The following NELL1 variants were observed in gnomAD, a reference collection of about 807,000 sequenced individuals.
The protein encoded by NELL1 is protein kinase C-binding protein NELL1.
NELL1 carries 76 observed loss-of-function variants against 107.4 expected under a neutral mutation model. The ratio of observed to expected loss-of-function variants is 0.71; its 90% confidence interval spans 0.59 to 0.86. The LOEUF (loss-of-function observed/expected upper bound fraction) is 0.86, where lower values mean the gene tolerates loss of function less well. NELL1 is among the 40% of genes least tolerant of loss of function. The pLI is 0.00. For missense variants in NELL1, 1,024 were observed against 1,005.5 expected, an observed-to-expected ratio of 1.02 and a Z score of -0.25; for synonymous variants, 353 against 341.2, an observed-to-expected ratio of 1.03 and a Z score of -0.38.
intron 13 of NELL1, among the ~76,000 whole-genome samples, chr11:21,114,487 G>T (rs1284789894): frequency 6.6e-6 from 1 of 151,798 alleles, no homozygotes; most frequent in Non-Finnish European, 1.5e-5. Context: ...CTTTCTCTTT[G>T]TTCCAATCAC....
At chr11:21,036,670 A>C (rs1482357260) in intron 12 of NELL1, among the ~76,000 whole-genome samples, 1 of 152,054 alleles carries the variant, frequency 6.6e-6, no homozygotes, top group East Asian at 1.9e-4. Flanking sequence ...TCTCTCTGCC[A>C]GTTAATGAAT....
At chr11:20,872,246 T>C (rs981597229) in intron 4 of NELL1, among the ~76,000 whole-genome samples, 3 of 147,974 alleles carry the variant, frequency 2.0e-5, no homozygotes, top group Non-Finnish European at 4.4e-5. Flanking sequence ...CAATCTGGGC[T>C]CACTGTAGCC....
At chr11:21,185,293 C>CTTTTTTTTTTTTTTTTTTTT (rs11446941) in intron 13 of NELL1, among the ~76,000 whole-genome samples, 1 of 118,498 alleles carries the variant, frequency 8.4e-6, no homozygotes, top group South Asian at 2.8e-4. Flanking sequence ...ATTCCAGTAT[C>CTTTTTTTTTTTTTTTTTTTT]TTTTTTTTTT....
At chr11:20,702,384 G>T (rs558717999) in intron 2 of NELL1, among the ~76,000 whole-genome samples, 5 of 152,016 alleles carry the variant, frequency 3.3e-5, no homozygotes, top group Admixed American at 6.6e-5. Context: ...TGCTGAAGTT[G>T]CTTATCAGCT....
intron 2 of NELL1, among the ~76,000 whole-genome samples, chr11:20,696,589 T>C (rs745371707): frequency 3.0e-4 from 46 of 152,298 alleles, no homozygotes; most frequent in Middle Eastern, 3.4e-3. Context: ...TGGTAATGTT[T>C]TTCATTTTTT....
intron 4 of NELL1, among the ~76,000 whole-genome samples, chr11:20,862,188 A>T (rs983099698): frequency 6.6e-6 from 1 of 152,210 alleles, no homozygotes; most frequent in Non-Finnish European, 1.5e-5. Flanking sequence ...GATGATTCGG[A>T]TGCTAAATCT....
intron 8 of NELL1, among the ~76,000 whole-genome samples, 172 bp downstream of exon 8, chr11:20,927,614 A>G (rs1000784074): frequency 6.6e-6 from 1 of 152,192 alleles, no homozygotes; most frequent in Non-Finnish European, 1.5e-5. Flanking sequence ...GAAGAGTGTC[A>G]TGTCTTATAT....
chr11:20,973,423 C>G (rs1851541699), intron 12 of NELL1, among the ~76,000 whole-genome samples: 1 of 152,126 alleles, frequency 6.6e-6, no homozygotes, highest in Admixed American at 6.6e-5. Flanking sequence ...GTTACTTTTT[C>G]TTAACATATT....
At chr11:21,467,524 T>A (rs1854062724) in intron 15 of NELL1, among the ~76,000 whole-genome samples, 1 of 152,124 alleles carries the variant, frequency 6.6e-6, no homozygotes, top group Non-Finnish European at 1.5e-5. Context: ...AATGTTGTCC[T>A]ATTGACTTAA....
intron 15 of NELL1, among the ~76,000 whole-genome samples, chr11:21,470,226 C>G (rs1854140985): frequency 6.6e-6 from 1 of 152,026 alleles, no homozygotes; most frequent in Admixed American, 6.6e-5. Context: ...CTCAAACTTT[C>G]TTCAGAAAAT....
At chr11:21,070,569 A>G (rs1292067643) in intron 12 of NELL1, among the ~76,000 whole-genome samples, 1 of 152,146 alleles carries the variant, frequency 6.6e-6, no homozygotes, top group African/African-American at 2.4e-5. Flanking sequence ...AATTTGCAAA[A>G]AAATACATTA....
chr11:21,069,104 ATGTC>A (rs1043006741), intron 12 of NELL1, among the ~76,000 whole-genome samples: 1 of 152,166 alleles, frequency 6.6e-6, no homozygotes, highest in Non-Finnish European at 1.5e-5. Flanking sequence ...AAAGTAGTGA[ATGTC>A]TGTGTCCATT....
chr11:21,309,278 A>ATATG (rs1491093556), intron 14 of NELL1, among the ~76,000 whole-genome samples: 2 of 16,244 alleles, frequency 1.2e-4, no homozygotes, highest in South Asian at 3.1e-3. Context: ...ATATATATAT[A>ATATG]TGTATATATA....
chr11:21,180,953 C>T (rs2133823701), intron 13 of NELL1, among the ~76,000 whole-genome samples: 1 of 151,716 alleles, frequency 6.6e-6, no homozygotes, highest in Non-Finnish European at 1.5e-5. Context: ...CCCATCTCAC[C>T]ATTGATATAC....
chr11:21,506,994 C>T (rs776224394), intron 15 of NELL1, among the ~76,000 whole-genome samples: 1 of 152,160 alleles, frequency 6.6e-6, no homozygotes, highest in Non-Finnish European at 1.5e-5. Context: ...TCTGTGGGCT[C>T]ATACTTGTAT....
At chr11:21,176,551 T>C (rs929923008) in intron 13 of NELL1, among the ~76,000 whole-genome samples, 3 of 151,888 alleles carry the variant, frequency 2.0e-5, no homozygotes, top group Admixed American at 6.6e-5. Context: ...TAGTGATTGC[T>C]ATTGAATAGT....
At chr11:20,758,932 G>A (rs927117382) in intron 2 of NELL1, among the ~76,000 whole-genome samples, 1 of 152,156 alleles carries the variant, frequency 6.6e-6, no homozygotes, top group Non-Finnish European at 1.5e-5. Flanking sequence ...AAAAATTGGT[G>A]GAAGTACCTA....
chr11:21,196,897 T>C (rs1177057853), intron 13 of NELL1, among the ~76,000 whole-genome samples: 1 of 150,884 alleles, frequency 6.6e-6, no homozygotes, highest in African/African-American at 2.4e-5. Context: ...TTTTTTTTTT[T>C]TTCTCACTCT....
rs566695175 is a variant in NELL1, at chr11:20,692,887, G to T, written c.184+14827G>T. 1.4e-4 allele frequency among the ~76,000 whole-genome samples: 21 copies of T among 152,256 alleles called. No homozygotes were observed. The East Asian group carries it at 3.5e-3, about 25-fold the overall frequency. On this transcript the variant is annotated intron_variant, in intron 2 of 19. Transcript: ENST00000357134. ...ATCTGTCTAATGTTGACAGTGGGGT[G>T]TTAAAGTCTCCCATTATTAATGCGT...
Sources: allele counts gnomAD v4.1 joint callset (sites outside exome capture counted in the v4.1 genomes callset), GRCh38; gene constraint gnomAD v4.1.1; transcripts MANE v1.5; gene names NCBI Gene and HGNC (gene_info 2026-07-23, HGNC 2026-07-21).